The following LIPF variants were observed in gnomAD, a reference collection of about 807,000 sequenced individuals.
LIPF encodes the protein lipase F, gastric type, also known as gastric triacylglycerol lipase.
A neutral mutation model predicts 38.0 loss-of-function variants in LIPF; 25 were observed. The ratio of observed to expected loss-of-function variants is 0.66; its 90% CI spans 0.48 to 0.92. The LOEUF is 0.92. Ranked by LOEUF, LIPF falls within the 40% of genes least tolerant of loss-of-function variation. The pLI, the probability that LIPF is intolerant of heterozygous loss-of-function variation, is 0.00. For synonymous variants in LIPF, 161 were observed against 156.2 expected (o/e 1.03, Z -0.23); for missense variants, 410 against 469.9 (o/e 0.87, Z 1.18).
chr10:88,672,403 TC>T (rs1171290113), intron 6 of LIPF, among the ~76,000 whole-genome samples: 2 of 152,074 alleles, frequency 1.3e-5, no homozygotes, highest in Non-Finnish European at 2.9e-5. Context: ...AGGAAATAAA[TC>T]AGTGATTGAG....
intron 7 of LIPF, 106 bp from the exon 8 acceptor site, chr10:88,675,480 C>A: frequency 1.2e-6 from 1 of 845,932 alleles, no homozygotes; most frequent in Admixed American, 2.3e-5. Flanking sequence ...GTAAATGCTA[C>A]CTTTAAACAC....
Position 88,671,935 on chromosome 10 carries a change from A to C in LIPF, c.639A>C (p.Lys213Asn), listed in dbSNP as rs1422648286. 6.2e-7 allele frequency: 1 copy of C among 1,611,976 alleles called. No individual in the cohort carries two copies. Among genetic ancestry groups the C allele is most frequent in the Admixed American group, 1.7e-5 (1 of 59,726 alleles). The change falls in exon 6 of 10, where the codon AAA becomes AAC. Residue 213 changes from lysine (K) to asparagine (N), a missense_variant. Lys to Asn is a moderately conservative substitution (Grantham distance 94, BLOSUM62 0). Transcript: ENST00000238983. ...TVKYTKSLIN[K>N]LRFVPQSLFK... ...AGTATACAAAAAGCCTTATAAACAA[A>C]CTTAGATTTGTTCCTCAATCCCTCT...
At chr10:88,666,236 C>G (rs1051584580) in intron 1 of LIPF, among the ~76,000 whole-genome samples, 1 of 152,174 alleles carries the variant, frequency 6.6e-6, no homozygotes. Flanking sequence ...GAAGTCACCA[C>G]TTTTCAAAGA....
chr10:88,666,196 G>A (rs1218219346), intron 1 of LIPF, among the ~76,000 whole-genome samples: 4 of 152,064 alleles, frequency 2.6e-5, no homozygotes, highest in African/African-American at 7.2e-5. Context: ...TACTATAAAC[G>A]GGTTTTCTTG....
intron 9 of LIPF, among the ~76,000 whole-genome samples, chr10:88,678,185 TC>T (rs1328706378): frequency 6.6e-6 from 1 of 152,188 alleles, no homozygotes; most frequent in Admixed American, 6.5e-5. Context: ...CTCAGGCTGT[TC>T]CCCAGATCTA....
chr10:88,667,869 T>A (rs1412318803), intron 3 of LIPF, among the ~76,000 whole-genome samples, 183 bp downstream of exon 3: 1 of 152,194 alleles, frequency 6.6e-6, no homozygotes, highest in East Asian at 1.9e-4. Flanking sequence ...ATAAGCTATA[T>A]TTTCAGTCTT....
chr10:88,673,659 C>A lies in LIPF; in HGVS notation c.741C>A (p.Ser247=). 1 of 1,612,652 alleles carries A rather than the reference C, an allele frequency of 6.2e-7. No individual in the cohort carries two copies. The highest frequency in any genetic ancestry group is 8.5e-7 in the Non-Finnish European group (1 of 1,178,852). ...AATTTCTTGCTACTGAAGTGTGCTC[C>A]CGTGAGATGCTGAATCTCCTTTGCA... ...FDQFLATEVC[S]REMLNLLCSN... Residue 247 remains serine (S), a synonymous_variant, in exon 7 of 10, where the codon TCC becomes TCA. Transcript: ENST00000238983.
chr10:88,676,381 A>T (rs1841686786), intron 9 of LIPF, 101 bp downstream of exon 9: 1 of 713,378 alleles, frequency 1.4e-6, no homozygotes, highest in African/African-American at 1.8e-5. Flanking sequence ...TGTTTTCCAA[A>T]GGAATGTTGA....
chr10:88,672,599 C>A (rs1841616288), intron 6 of LIPF, among the ~76,000 whole-genome samples: 1 of 150,488 alleles, frequency 6.6e-6, no homozygotes. Flanking sequence ...ATGCTTAATA[C>A]CCTAATTCTC....
At chr10:88,674,289 C>T (rs1037364398) in intron 7 of LIPF, among the ~76,000 whole-genome samples, 4 of 152,180 alleles carry the variant, frequency 2.6e-5, no homozygotes, top group Non-Finnish European at 4.4e-5. Context: ...CTGCCTCAGC[C>T]TCCCGAGTAG....
In LIPF at chr10:88,669,024, ACT is replaced by A. The variant is rs151246091; in HGVS notation, c.422+270_422+271del. On this transcript the variant is annotated intron_variant, in intron 4 of 9. Coordinates refer to ENST00000238983, the MANE Select transcript of LIPF (RefSeq NM_004190.4). The stretch of plus-strand genomic sequence containing the variant: ...TGAACAATATGGCTGAAGCAAGGAA[ACT>A]CACAGCCCCTGGAAAATTCCAAAGG... 9.0e-3 allele frequency: 3,210 copies of A among 357,726 alleles called. 28 individuals carry two copies. The highest frequency in any genetic ancestry group is 0.014 in the Middle Eastern group (18 of 1,252). 22.2% of individuals were successfully genotyped at this position (357,726 alleles called of 1,614,324 possible). A position where few individuals can be genotyped will look rare whatever the true frequency, so the allele number is the denominator to read the frequency against.
chr10:88,665,427 G>A, intron 1 of LIPF: 1 of 772,334 alleles, frequency 1.3e-6, no homozygotes, highest in Non-Finnish European at 2.2e-6. Context: ...TGAACACACA[G>A]TACAGCACAC....
In LIPF at chr10:88,678,247, A is replaced by G. The variant is rs17333984; in HGVS notation, c.961-198A>G. Among the ~76,000 whole-genome samples the G allele has an allele frequency of 1.6e-4, 25 of 152,356 alleles. No homozygotes were observed. The East Asian group carries it at 4.4e-3, about 27-fold the overall frequency. On this transcript the variant is annotated intron_variant, in intron 9 of 9. Coordinates refer to ENST00000238983, the MANE Select transcript of LIPF (RefSeq NM_004190.4). ...AGATCTTCAGGTAATTCACAGGCCC[A>G]TTAGAATTTGACAAGCACTTATCTA...
intron 1 of LIPF, among the ~76,000 whole-genome samples, chr10:88,665,799 A>C (rs1242188223): frequency 7.3e-6 from 1 of 136,880 alleles, no homozygotes; most frequent in Non-Finnish European, 1.5e-5. Context: ...GCTGGAGTGC[A>C]ATGGTGCGAT....
At chr10:88,670,129 C>T (rs539132359) in intron 5 of LIPF, among the ~76,000 whole-genome samples, 183 bp downstream of exon 5, 8 of 152,232 alleles carry the variant, frequency 5.3e-5, no homozygotes, top group Admixed American at 2.6e-4. Flanking sequence ...GGATACAGTT[C>T]GTGCAAGGTT....
At chr10:88,675,331 G>A (rs1008950216) in intron 7 of LIPF, among the ~76,000 whole-genome samples, 4 of 148,876 alleles carry the variant, frequency 2.7e-5, no homozygotes, top group Non-Finnish European at 6.0e-5. Flanking sequence ...AAACTTCTTT[G>A]TGCCCCAATT....
At chr10:88,664,980 A>G (rs1841490263) in intron 1 of LIPF, among the ~76,000 whole-genome samples, 1 of 152,216 alleles carries the variant, frequency 6.6e-6, no homozygotes, top group South Asian at 2.1e-4. Context: ...TAAATTATAA[A>G]CTTTTCAAAA....
intron 6 of LIPF, 114 bp from the exon 7 acceptor site, chr10:88,673,474 G>T: frequency 1.2e-6 from 1 of 829,618 alleles, no homozygotes. Flanking sequence ...CAACATGTAA[G>T]AATAAGAATA....
chr10:88,676,163 C>A, intron 8 of LIPF, 46 bp from the exon 9 acceptor site: 2 of 1,106,594 alleles, frequency 1.8e-6, no homozygotes, highest in Non-Finnish European at 1.3e-6. Context: ...TTATTTTTCA[C>A]AATATAATAA....
Sources: allele counts gnomAD v4.1 joint callset (sites outside exome capture counted in the v4.1 genomes callset), GRCh38; gene constraint gnomAD v4.1.1; transcripts MANE v1.5; gene names NCBI Gene and HGNC (gene_info 2026-07-23, HGNC 2026-07-21).